The following SLC7A5 variants were observed in gnomAD, a reference collection of about 807,000 sequenced individuals.
SLC7A5 encodes solute carrier family 7 member 5.
SLC7A5 carries 23 observed loss-of-function variants against 50.2 expected under a neutral mutation model. The ratio of observed to expected loss-of-function variants is 0.46; its 90% CI spans 0.33 to 0.65. The LOEUF is 0.65. Ranked by LOEUF, SLC7A5 falls within the 30% of genes least tolerant of loss-of-function variation. SLC7A5 has a pLI of 0.02. For missense variants in SLC7A5, 578 were observed against 684.4 expected, an observed-to-expected ratio of 0.84 and a Z score of 1.73; for synonymous variants, 393 against 330.6, an observed-to-expected ratio of 1.19 and a Z score of -2.05.
At chr16:87,854,419 C>G (rs547402364) in intron 1 of SLC7A5, among the ~76,000 whole-genome samples, 1 of 152,182 alleles carries the variant, frequency 6.6e-6, no homozygotes, top group Admixed American at 6.5e-5. Context: ...TAAACAAATA[C>G]ATGAATTCAT....
rs1264259932 is a variant in SLC7A5 at position 87,860,573 on chromosome 16, C to T, written c.538+8312G>A. 6.6e-6 allele frequency among the ~76,000 whole-genome samples: 1 copy of T among 151,964 alleles called. No individual in the cohort carries two copies. ...GGAGGTATGAACTCCAGCTGTGGCC[C>T]ACCCCCTGGGGCACATGTCCTCAGG... On this transcript the variant is annotated intron_variant, in intron 1 of 9. Coordinates refer to ENST00000261622, the MANE Select transcript of SLC7A5 (RefSeq NM_003486.7). This position sits in a 1 kb window ranked among gnomAD's most constrained non-coding sequence, Gnocchi z 4.8.
In SLC7A5 at chr16:87,861,182, G is replaced by A. The variant is rs1027029265; in HGVS notation, c.538+7703C>T. Among the ~76,000 whole-genome samples, 1 of 152,212 alleles carries A rather than the reference G, an allele frequency of 6.6e-6. No individual in the cohort carries two copies. Among genetic ancestry groups the A allele is most frequent in the South Asian group, 2.1e-4 (1 of 4,834 alleles). On this transcript the variant is annotated intron_variant, in intron 1 of 9. Coordinates refer to ENST00000261622, the MANE Select transcript of SLC7A5 (RefSeq NM_003486.7). The surrounding 1 kb of genome is among the most constrained non-coding windows in gnomAD (Gnocchi z 4.2). ...GGCCAGCTATCCAGGTGATGCTCCA[G>A]GGAGGGCCAGGCCTACTGGGGGGCA...
intron 1 of SLC7A5, among the ~76,000 whole-genome samples, chr16:87,864,293 AAAAT>A (rs530866497): frequency 2.6e-5 from 4 of 151,810 alleles, no homozygotes; most frequent in African/African-American, 7.2e-5. Context: ...ACTCCACCTC[AAAAT>A]AAATAAATAA....
At chr16:87,866,074 A>C (rs1428665857) in intron 1 of SLC7A5, among the ~76,000 whole-genome samples, 1 of 150,090 alleles carries the variant, frequency 6.7e-6, no homozygotes, top group African/African-American at 2.5e-5. Flanking sequence ...GGGAAACCCC[A>C]AATGCCCTCC....
At chr16:87,840,572 C>A (rs567414441) in intron 3 of SLC7A5, 99 bp from the exon 4 acceptor site, 2 of 1,047,454 alleles carry the variant, frequency 1.9e-6, no homozygotes, top group Middle Eastern at 2.0e-4. Context: ...AGCCTGCCCC[C>A]CGGTGGTCTG....
rs1567501193 is a variant in SLC7A5 at position 87,860,338 on chromosome 16, A to AT, written c.539-8490_539-8489insA. Among the ~76,000 whole-genome samples the AT allele has an allele frequency of 2.6e-4, 23 of 89,972 alleles. No homozygotes were observed. Among genetic ancestry groups the AT allele is most frequent in the African/African-American group, 1.2e-3 (21 of 17,372 alleles). 59.0% of individuals were successfully genotyped at this position (89,972 alleles called of 152,430 possible). A position where few individuals can be genotyped will look rare whatever the true frequency, so the allele number is the denominator to read the frequency against. ...ACAAAAGCATCTCAAAAAAAAAAAAAAATACACACACACACACACACACAC... is the reference window on the plus strand; with the variant it reads ...ACAAAAGCATCTCAAAAAAAAAAAAATAATACACACACACACACACACACAC... On this transcript the variant is annotated intron_variant, in intron 1 of 9. Coordinates refer to ENST00000261622, the MANE Select transcript of SLC7A5 (RefSeq NM_003486.7). The surrounding 1 kb of genome is among the most constrained non-coding windows in gnomAD (Gnocchi z 4.8).
At chr16:87,865,102 G>A (rs2055444039) in intron 1 of SLC7A5, among the ~76,000 whole-genome samples, 1 of 152,016 alleles carries the variant, frequency 6.6e-6, no homozygotes, top group South Asian at 2.1e-4. Context: ...CCTGTTCAGA[G>A]AACACAGCTT....
chr16:87,868,482 C>T (rs79562497), intron 1 of SLC7A5, among the ~76,000 whole-genome samples: 2 of 152,214 alleles, frequency 1.3e-5, no homozygotes, highest in Non-Finnish European at 2.9e-5. Flanking sequence ...CAATTTCCTT[C>T]TCACCAACCA....
At chr16:87,849,920 T>A (rs1379111366) in intron 2 of SLC7A5, among the ~76,000 whole-genome samples, 1 of 152,172 alleles carries the variant, frequency 6.6e-6, no homozygotes, top group East Asian at 1.9e-4. Context: ...CAAGTGGGAC[T>A]TCCCCTCGAC....
Position 87,853,650 on chromosome 16 carries a change from T to C in SLC7A5, c.539-1801A>G, listed in dbSNP as rs149397812. Among the ~76,000 whole-genome samples the C allele has an allele frequency of 4.2e-3, 634 of 152,182 alleles. 2 individuals are homozygous for C. The highest frequency in any genetic ancestry group is 6.0e-3 in the Non-Finnish European group (411 of 68,002). Reference sequence around the variant, plus strand: ...CTGGCTTGCCAGTCCCATTTCCTTATGGTTGGGGGGAGCACGACCATAAAA... The same window carrying C: ...CTGGCTTGCCAGTCCCATTTCCTTACGGTTGGGGGGAGCACGACCATAAAA... On this transcript the variant is annotated intron_variant, in intron 1 of 9. Coordinates refer to ENST00000261622, the MANE Select transcript of SLC7A5 (RefSeq NM_003486.7). This position sits in a 1 kb window ranked among gnomAD's most constrained non-coding sequence, Gnocchi z 4.4.
intron 2 of SLC7A5, among the ~76,000 whole-genome samples, chr16:87,848,680 G>T (rs1277653156): frequency 3.9e-5 from 6 of 152,172 alleles, no homozygotes. Context: ...CCGCATCTCA[G>T]GAAAGGCCCA....
chr16:87,859,770 C>T (rs557664386), intron 1 of SLC7A5, among the ~76,000 whole-genome samples: 1 of 152,006 alleles, frequency 6.6e-6, no homozygotes, highest in Admixed American at 6.5e-5. Flanking sequence ...GAAACCCCAT[C>T]TCTACTAAAA....
In SLC7A5 at chr16:87,833,839, G is replaced by T. The variant is rs542295959; in HGVS notation, c.1468+575C>A. Among the ~76,000 whole-genome samples the T allele has an allele frequency of 1.3e-5, 2 of 149,908 alleles. No homozygotes were observed. The highest frequency in any genetic ancestry group is 4.0e-4 in the East Asian group (2 of 5,008). ...CTGCCGCTGCACACAGGGCCGGGGGGCGGGTTTCTCCTTCTGCCTTTTTTT... is the reference window on the plus strand; with the variant it reads ...CTGCCGCTGCACACAGGGCCGGGGGTCGGGTTTCTCCTTCTGCCTTTTTTT... On this transcript the variant is annotated intron_variant, in intron 9 of 9. Coordinates refer to ENST00000261622, the MANE Select transcript of SLC7A5 (RefSeq NM_003486.7). This position sits in a 1 kb window ranked among gnomAD's most constrained non-coding sequence, Gnocchi z 6.0.
intron 1 of SLC7A5, among the ~76,000 whole-genome samples, chr16:87,854,343 G>A (rs2055286106): frequency 6.6e-6 from 1 of 152,210 alleles, no homozygotes; most frequent in Non-Finnish European, 1.5e-5. Context: ...TGGGTGATGA[G>A]TAAACAAAGG....
chr16:87,846,091 G>A (rs956285013), intron 2 of SLC7A5, among the ~76,000 whole-genome samples: 3 of 152,226 alleles, frequency 2.0e-5, no homozygotes, highest in African/African-American at 4.8e-5. Context: ...GCCCTGAGTC[G>A]CGAAGTACCC....
intron 1 of SLC7A5, among the ~76,000 whole-genome samples, chr16:87,857,191 A>C (rs1394372221): frequency 1.3e-5 from 2 of 151,728 alleles, no homozygotes; most frequent in African/African-American, 4.8e-5. Flanking sequence ...AAAATGAAGC[A>C]GTTCCGGGGC....
rs148154798 is a variant in SLC7A5 at position 87,842,102 on chromosome 16, AAAG to A, written c.665-950_665-948del. 7.0e-3 allele frequency among the ~76,000 whole-genome samples: 1,066 copies of A among 152,300 alleles called. 8 individuals are homozygous for A. Among genetic ancestry groups the A allele is most frequent in the South Asian group, 0.011 (51 of 4,820 alleles). ...CTGCGCTTCAGGAAGGAGAACTTGGAAAGAAGACCAAAGACACCACCGGAACAA... is the reference window on the plus strand; with the variant it reads ...CTGCGCTTCAGGAAGGAGAACTTGGAAAGACCAAAGACACCACCGGAACAA... On this transcript the variant is annotated intron_variant, in intron 2 of 9. Coordinates refer to ENST00000261622, the MANE Select transcript of SLC7A5 (RefSeq NM_003486.7).
chr16:87,838,866 C>A, intron 5 of SLC7A5, 49 bp from the exon 6 acceptor site: 1 of 1,409,490 alleles, frequency 7.1e-7, no homozygotes, highest in South Asian at 1.2e-5. Context: ...CGGCCCTCGC[C>A]CTCCCTGTGC....
rs1264221165 is a variant in SLC7A5 at position 87,861,227 on chromosome 16, G to A, written c.538+7658C>T. Among the ~76,000 whole-genome samples the A allele has an allele frequency of 6.6e-6, 1 of 152,210 alleles. No homozygotes were observed. Among genetic ancestry groups the A allele is most frequent in the Non-Finnish European group, 1.5e-5 (1 of 68,028 alleles). ...GGGGCAGAACCCTGTGGCTGTCCAG[G>A]GTACCTGGATGTGAGTCTGGGAAGG... On this transcript the variant is annotated intron_variant, in intron 1 of 9. Coordinates refer to ENST00000261622, the MANE Select transcript of SLC7A5 (RefSeq NM_003486.7). This position sits in a 1 kb window ranked among gnomAD's most constrained non-coding sequence, Gnocchi z 4.2.
Sources: gnomAD v4.1 joint callset for allele counts (sites outside exome capture counted in the v4.1 genomes callset) on GRCh38, gnomAD v4.1.1 for gene constraint, Gnocchi (gnomAD v3.1) non-coding constraint, MANE v1.5 for transcripts, NCBI Gene and HGNC (gene_info 2026-07-23, HGNC 2026-07-21) for gene names.